The following DPP10 variants were observed in gnomAD, a reference collection of about 807,000 sequenced individuals.
The protein encoded by DPP10 is inactive dipeptidyl peptidase 10.
Under a neutral mutation model 120.9 loss-of-function variants are expected in DPP10, and 33 were observed. The observed-to-expected ratio is 0.27, with a 90% CI of 0.21 to 0.37. The LOEUF is 0.37. DPP10 is among the 10% of genes least tolerant of loss of function. The probability of loss-of-function intolerance (pLI) is 1.00; values close to 1 mark genes in which losing one functional copy is unlikely to be tolerated. For synonymous variants in DPP10, 337 were observed against 326.1 expected, an observed-to-expected ratio of 1.03 and a Z score of -0.36; for missense variants, 816 against 942.8, an observed-to-expected ratio of 0.87 and a Z score of 1.76.
chr2:115,042,084 A>G (rs1704697040), intron 1 of DPP10, among the ~76,000 whole-genome samples: 1 of 137,988 alleles, frequency 7.2e-6, no homozygotes, highest in African/African-American at 2.6e-5. Context: ...AATAAAATTT[A>G]GGTTTGAATT....
intron 3 of DPP10, among the ~76,000 whole-genome samples, chr2:115,366,848 C>A (rs1196752191): frequency 6.6e-6 from 1 of 151,998 alleles, no homozygotes. Context: ...ACCCCTTCAG[C>A]ACTGAAAACA....
intron 1 of DPP10, among the ~76,000 whole-genome samples, chr2:114,448,772 T>G (rs1678091555): frequency 6.6e-6 from 1 of 152,162 alleles, no homozygotes; most frequent in African/African-American, 2.4e-5. Context: ...ATGAATTCTG[T>G]GACAGCCAAA....
At chr2:114,742,788 A>G (rs1367964201) in intron 1 of DPP10, among the ~76,000 whole-genome samples, 1 of 152,228 alleles carries the variant, frequency 6.6e-6, no homozygotes, top group Non-Finnish European at 1.5e-5. Context: ...GAACCAGTCC[A>G]TCAGCAACTT....
At chr2:114,688,493 G>A (rs1399767561) in intron 1 of DPP10, among the ~76,000 whole-genome samples, 1 of 151,938 alleles carries the variant, frequency 6.6e-6, no homozygotes, top group Non-Finnish European at 1.5e-5. Context: ...CACCAAGCCT[G>A]TGTTTGGCTA....
intron 1 of DPP10, among the ~76,000 whole-genome samples, chr2:115,004,906 C>T (rs1357527699): frequency 6.6e-6 from 1 of 152,138 alleles, no homozygotes; most frequent in Non-Finnish European, 1.5e-5. Context: ...GGCTCCACCT[C>T]TGGGGGCAGG....
intron 1 of DPP10, among the ~76,000 whole-genome samples, chr2:115,293,577 G>T (rs1166968158): frequency 6.6e-6 from 1 of 152,050 alleles, no homozygotes; most frequent in Non-Finnish European, 1.5e-5. Context: ...TGTGGTGTAG[G>T]TGAGCTTCTG....
rs767078050 is a variant in DPP10 at position 114,626,901 on chromosome 2, G to A, written c.60+184063G>A. 2.2e-4 allele frequency among the ~76,000 whole-genome samples: 33 copies of A among 151,916 alleles called. 1 individual carries two copies. The highest frequency in any genetic ancestry group is 1.6e-3 in the Admixed American group (24 of 15,226). On this transcript the variant is annotated intron_variant, in intron 1 of 25. Coordinates refer to ENST00000410059, the MANE Select transcript of DPP10 (RefSeq NM_020868.6). Reference sequence around the variant, plus strand: ...TGGCATTCTATCATAAACATTTTCCGTGTGGTAGCATATTCTTCCTATTTT... The same window carrying A: ...TGGCATTCTATCATAAACATTTTCCATGTGGTAGCATATTCTTCCTATTTT...
Position 115,840,530 on chromosome 2 carries a change from T to A in DPP10, c.2183-220T>A, listed in dbSNP as rs140952584. ...TAATGGAGATGGGATTTCACCGAGT[T>A]AGCCAGGATGGTCTCGATCTCCTGA... On this transcript the variant is annotated intron_variant, in intron 24 of 25. Transcript: ENST00000410059. Among the ~76,000 whole-genome samples the A allele has an allele frequency of 8.8e-4, 134 of 151,958 alleles. 1 individual carries two copies. The highest frequency in any genetic ancestry group is 2.9e-3 in the African/African-American group (122 of 41,452).
At chr2:115,629,886 C>CT (rs2085696542) in intron 5 of DPP10, among the ~76,000 whole-genome samples, 1 of 152,054 alleles carries the variant, frequency 6.6e-6, no homozygotes, top group Non-Finnish European at 1.5e-5. Context: ...TATGCGGGCT[C>CT]TTTTTTGGTT....
chr2:114,981,598 C>T (rs1164835203), intron 1 of DPP10, among the ~76,000 whole-genome samples: 1 of 151,854 alleles, frequency 6.6e-6, no homozygotes, highest in Non-Finnish European at 1.5e-5. Flanking sequence ...CTCTCTCCTT[C>T]GAAACCGGGT....
chr2:115,272,165 T>A (rs934483842), intron 1 of DPP10, among the ~76,000 whole-genome samples: 2 of 152,224 alleles, frequency 1.3e-5, no homozygotes, highest in African/African-American at 2.4e-5. Flanking sequence ...TTCATATAAC[T>A]TTATTATATT....
At chr2:114,727,849 A>C (rs915630042) in intron 1 of DPP10, among the ~76,000 whole-genome samples, 1 of 152,216 alleles carries the variant, frequency 6.6e-6, no homozygotes, top group Admixed American at 6.5e-5. Context: ...AGTGAGAGTC[A>C]CTACTTATTC....
chr2:115,793,560 A>G (rs1003752168), intron 19 of DPP10, among the ~76,000 whole-genome samples: 9 of 151,974 alleles, frequency 5.9e-5, no homozygotes, highest in African/African-American at 1.9e-4. Flanking sequence ...ATTTAATGTG[A>G]TTAATATAAA....
intron 1 of DPP10, among the ~76,000 whole-genome samples, chr2:114,820,605 G>A (rs1345772947): frequency 6.6e-6 from 1 of 152,160 alleles, no homozygotes; most frequent in South Asian, 2.1e-4. Context: ...TAAAAATCCT[G>A]TTGGAAGGCA....
chr2:115,396,038 A>G (rs574033395), intron 3 of DPP10, among the ~76,000 whole-genome samples: 5 of 152,190 alleles, frequency 3.3e-5, no homozygotes, highest in African/African-American at 1.2e-4. Context: ...TTCCTTCACC[A>G]TACATACTTT....
chr2:115,361,511 C>T (rs1470060702), intron 3 of DPP10, among the ~76,000 whole-genome samples: 4 of 152,070 alleles, frequency 2.6e-5, no homozygotes, highest in Non-Finnish European at 4.4e-5. Context: ...ATGGGAAAAA[C>T]AGCCCTGTTT....
chr2:114,946,806 A>G (rs561913286), intron 1 of DPP10, among the ~76,000 whole-genome samples: 1 of 152,166 alleles, frequency 6.6e-6, no homozygotes, highest in Non-Finnish European at 1.5e-5. Context: ...GCCTCATAGA[A>G]TGTATTGGGA....
intron 1 of DPP10, among the ~76,000 whole-genome samples, chr2:114,722,503 G>A (rs1237056860): frequency 1.3e-5 from 2 of 152,148 alleles, no homozygotes; most frequent in African/African-American, 2.4e-5. Context: ...CCAGTCGGGC[G>A]CGGTGGCTCA....
At chr2:114,836,718 C>A (rs1381008716) in intron 1 of DPP10, among the ~76,000 whole-genome samples, 1 of 152,124 alleles carries the variant, frequency 6.6e-6, no homozygotes, top group African/African-American at 2.4e-5. Flanking sequence ...GCGGGAATTT[C>A]CTCGTCCTAA....
Sources: gnomAD v4.1 joint callset for allele counts (sites outside exome capture counted in the v4.1 genomes callset) on GRCh38, gnomAD v4.1.1 for gene constraint, MANE v1.5 for transcripts, NCBI Gene and HGNC (gene_info 2026-07-23, HGNC 2026-07-21) for gene names.